Variants in PCDH15 observed in about 807,000 individuals in gnomAD.
The protein encoded by PCDH15 is protocadherin related 15.
A neutral mutation model predicts 178.5 loss-of-function variants in PCDH15; 129 were observed. That is an observed-to-expected ratio of 0.72 (90% CI 0.63 to 0.84). PCDH15 has a LOEUF of 0.84. Ranked by LOEUF, PCDH15 falls within the 40% of genes least tolerant of loss-of-function variation. The pLI is 0.00. For synonymous variants in PCDH15, 800 were observed against 732.0 expected (o/e 1.09, Z -1.50); for missense variants, 2,230 against 2,099.9 (o/e 1.06, Z -1.21).
At chr10:54,318,932 G>C (rs1176217890) in intron 7 of PCDH15, among the ~76,000 whole-genome samples, 1 of 152,048 alleles carries the variant, frequency 6.6e-6, no homozygotes, top group Non-Finnish European at 1.5e-5. Flanking sequence ...TTCTTTGGAA[G>C]GAAATCATGA....
chr10:55,373,446 T>C (rs1168597212), intron 2 of PCDH15, among the ~76,000 whole-genome samples: 1 of 152,028 alleles, frequency 6.6e-6, no homozygotes, highest in Admixed American at 6.5e-5. Context: ...AATCTCAAAA[T>C]GGCAGCATTT....
At chr10:54,402,952 T>G (rs1046891948) in intron 3 of PCDH15, among the ~76,000 whole-genome samples, 4 of 151,984 alleles carry the variant, frequency 2.6e-5, no homozygotes, top group African/African-American at 9.7e-5. Context: ...ATTATTGAGC[T>G]TAATGAGGAA....
At chr10:54,205,454 G>T (rs1463396569) in intron 10 of PCDH15, among the ~76,000 whole-genome samples, 3 of 140,946 alleles carry the variant, frequency 2.1e-5, no homozygotes, top group Non-Finnish European at 3.1e-5. Context: ...ACAGTAATTG[G>T]TAACAGGTTA....
chr10:54,265,058 G>T (rs1421719113), intron 8 of PCDH15, among the ~76,000 whole-genome samples: 1 of 152,084 alleles, frequency 6.6e-6, no homozygotes, highest in Admixed American at 6.5e-5. Context: ...AGACTAACTG[G>T]TCTTCTCAGA....
intron 2 of PCDH15, among the ~76,000 whole-genome samples, chr10:54,560,593 C>T (rs1201971491): frequency 6.6e-6 from 1 of 151,804 alleles, no homozygotes; most frequent in African/African-American, 2.4e-5. Flanking sequence ...AAAATTTGCC[C>T]TTTCAAAAGA....
chr10:55,541,082 T>C (rs946211349), intron 2 of PCDH15, among the ~76,000 whole-genome samples: 4 of 152,064 alleles, frequency 2.6e-5, no homozygotes, highest in Non-Finnish European at 5.9e-5. Context: ...CTGATAAATG[T>C]TGCACAGTGT....
chr10:54,373,274 G>C (rs1416888558), intron 4 of PCDH15, among the ~76,000 whole-genome samples: 2 of 118,986 alleles, frequency 1.7e-5, no homozygotes, highest in Non-Finnish European at 1.8e-5. Flanking sequence ...CTAATTCTCA[G>C]GAGTGAATTT....
At chr10:54,559,964 C>T (rs1186947857) in intron 2 of PCDH15, among the ~76,000 whole-genome samples, 3 of 151,462 alleles carry the variant, frequency 2.0e-5, no homozygotes, top group Non-Finnish European at 4.4e-5. Flanking sequence ...TACAGTGTGT[C>T]CCCTTATTTA....
At chr10:55,144,691 T>C (rs1838454093) in intron 2 of PCDH15, among the ~76,000 whole-genome samples, 1 of 152,134 alleles carries the variant, frequency 6.6e-6, no homozygotes, top group South Asian at 2.1e-4. Context: ...CAGACTTTAC[T>C]ATAAACATGG....
intron 1 of PCDH15, among the ~76,000 whole-genome samples, chr10:55,196,222 T>C (rs1430090459): frequency 6.6e-6 from 1 of 152,068 alleles, no homozygotes; most frequent in African/African-American, 2.4e-5. Context: ...TCCATTTTTT[T>C]CCATCATCCC....
At position 54,079,424 on chromosome 10, in the gene PCDH15, G is replaced by A. The variant is rs754253198; in HGVS notation, c.1998C>T (p.Thr666=). ...CTTTCCCTAAGGTTAGAATCCCCGT[G>A]CTAGTGACAAAACAAACAAACAAAT... ...DPQRVFNLSE[T]TGILTLGKAL... Residue 666 remains threonine, a splice_region_variant and synonymous_variant, in exon 17 of 38, where the codon ACC becomes ACT. Coordinates refer to ENST00000644397, the MANE Select transcript of PCDH15 (RefSeq NM_001384140.1). 21 of 1,613,212 alleles carry A rather than the reference G, an allele frequency of 1.3e-5. No individual in the cohort carries two copies. In the African/African-American group the frequency reaches 2.8e-4, roughly 22 times the overall value.
chr10:54,849,242 G>A (rs1953568301), intron 3 of PCDH15, among the ~76,000 whole-genome samples: 1 of 152,020 alleles, frequency 6.6e-6, no homozygotes, highest in Admixed American at 6.6e-5. Context: ...TCTTTAGCAT[G>A]CTGTTAAATC....
chr10:54,233,579 A>T (rs572215153), intron 9 of PCDH15, among the ~76,000 whole-genome samples: 1 of 152,194 alleles, frequency 6.6e-6, no homozygotes, highest in African/African-American at 2.4e-5. Flanking sequence ...TTCTAGGTGC[A>T]CTTGAGAAGA....
At chr10:53,895,107 C>A (rs1418156885) in intron 26 of PCDH15, among the ~76,000 whole-genome samples, 1 of 152,148 alleles carries the variant, frequency 6.6e-6, no homozygotes, top group Non-Finnish European at 1.5e-5. Context: ...AGATGTTTTA[C>A]CTAAGACCCA....
intron 3 of PCDH15, among the ~76,000 whole-genome samples, chr10:54,853,169 A>C (rs1953658621): frequency 6.6e-6 from 1 of 150,678 alleles, no homozygotes; most frequent in South Asian, 2.1e-4. Flanking sequence ...CTGAGGCAGG[A>C]GAATCACTTA....
In PCDH15 at chr10:55,038,166, T is replaced by C. The variant is rs1256948540; in HGVS notation, c.-80+128410A>G. 2.0e-5 allele frequency among the ~76,000 whole-genome samples: 3 copies of C among 152,196 alleles called. No individual in the cohort carries two copies. In the East Asian group the frequency reaches 5.8e-4, roughly 29 times the overall value. ...AACACATATATGTACCATATTTATCTATATACATATTCAAAAGAGCAAAAA... is the reference window on the plus strand; with the variant it reads ...AACACATATATGTACCATATTTATCCATATACATATTCAAAAGAGCAAAAA... On this transcript the variant is annotated intron_variant, in intron 2 of 5. Transcript: ENST00000458638.
chr10:54,421,816 G>GTGTATATATATATATATATATA (rs1297485134), intron 3 of PCDH15, among the ~76,000 whole-genome samples: 1 of 107,990 alleles, frequency 9.3e-6, no homozygotes, highest in African/African-American at 4.2e-5. Flanking sequence ...TGTAGTGTGT[G>GTGTATATATATATATATATATA]TATATATATA....
intron 2 of PCDH15, among the ~76,000 whole-genome samples, chr10:55,058,637 T>C (rs567426908): frequency 2.0e-4 from 30 of 152,344 alleles, no homozygotes; most frequent in African/African-American, 6.7e-4. Flanking sequence ...AATGTATGTT[T>C]TTTTATCTTT....
chr10:54,434,750 T>C (rs1589391681), intron 3 of PCDH15, among the ~76,000 whole-genome samples: 1 of 152,218 alleles, frequency 6.6e-6, no homozygotes, highest in East Asian at 1.9e-4. Context: ...AAATTCACTC[T>C]CTAGAACAAA....
Sources: allele counts gnomAD v4.1 joint callset (sites outside exome capture counted in the v4.1 genomes callset), GRCh38; gene constraint gnomAD v4.1.1; transcripts MANE v1.5; gene names NCBI Gene and HGNC (gene_info 2026-07-23, HGNC 2026-07-21).